MAPK8IP1: variants seen among roughly 807,000 people sequenced by gnomAD.
The protein encoded by MAPK8IP1 is mitogen-activated protein kinase 8 interacting protein 1, also known as C-Jun-amino-terminal kinase-interacting protein 1.
MAPK8IP1 carries 17 observed loss-of-function variants against 72.6 expected under a neutral mutation model. The observed-to-expected ratio is 0.23, with a 90% CI of 0.16 to 0.35. MAPK8IP1 has a LOEUF of 0.35. Among genes scored for constraint, MAPK8IP1 ranks in the 10% least tolerant of loss-of-function variants. MAPK8IP1 has a pLI of 1.00. For synonymous variants in MAPK8IP1, 401 were observed against 443.4 expected (o/e 0.90, Z 1.20); for missense variants, 789 against 1,009.7 (o/e 0.78, Z 2.96).
chr11:45,903,530 A>G lies in MAPK8IP1; in HGVS notation c.1493+90A>G. The stretch of plus-strand genomic sequence containing the variant: ...TGTCACCCCTACATGGCCTCAGCCT[A>G]ACCCCTGCCATCAGCCTTCATTTAT... On this transcript the variant is annotated intron_variant, in intron 6 of 11. Coordinates refer to ENST00000241014, the MANE Select transcript of MAPK8IP1 (RefSeq NM_005456.4). The surrounding 1 kb of genome is among the most constrained non-coding windows in gnomAD (Gnocchi z 6.4). The G allele has an allele frequency of 9.1e-7, 1 of 1,097,144 alleles. No individual in the cohort carries two copies. The highest frequency in any genetic ancestry group is 1.5e-5 in the African/African-American group (1 of 64,768). The allele number at this position is 1,097,144 out of a possible 1,614,324, so 68.0% of individuals were successfully genotyped here. A position where few individuals can be genotyped will look rare whatever the true frequency, so the allele number is the denominator to read the frequency against.
intron 1 of MAPK8IP1, among the ~76,000 whole-genome samples, chr11:45,891,553 C>A (rs61882475): frequency 6.6e-6 from 1 of 152,160 alleles, no homozygotes; most frequent in Non-Finnish European, 1.5e-5. Flanking sequence ...GGCAGGCAGC[C>A]CAGCAGCAGA....
rs2086673882 is a variant in MAPK8IP1, at chr11:45,903,399, C to G, written c.1452C>G (p.Ile484Met). Reference protein sequence around the residue: ...AESFGLFSCIINGEEQEQTHR... With the variant: ...AESFGLFSCIMNGEEQEQTHR... ...CCTTCGGGCTGTTCTCCTGCATCAT[C>G]AACGGGGAGGAGCAGGAGCAGACCC... The change falls in exon 6 of 12, where the codon ATC (isoleucine) becomes ATG (methionine). Residue 484 changes from isoleucine to methionine, a missense_variant. This residue lies in a region of MAPK8IP1 where 377 missense variants were observed against 411.7 expected (regional missense o/e 0.92). Transcript: ENST00000241014. The surrounding 1 kb of genome is among the most constrained non-coding windows in gnomAD (Gnocchi z 6.4). 1 of 1,613,528 alleles carries G rather than the reference C, an allele frequency of 6.2e-7. No homozygotes were observed. The highest frequency in any genetic ancestry group is 1.3e-5 in the African/African-American group (1 of 74,926).
intron 1 of MAPK8IP1, among the ~76,000 whole-genome samples, chr11:45,893,825 C>A (rs950485403): frequency 6.6e-6 from 1 of 152,220 alleles, no homozygotes; most frequent in Non-Finnish European, 1.5e-5. Context: ...TCCTTTCCCT[C>A]CCTTCCCCAC....
chr11:45,888,184 T>G (rs915408328), intron 1 of MAPK8IP1, among the ~76,000 whole-genome samples: 1 of 152,212 alleles, frequency 6.6e-6, no homozygotes, highest in African/African-American at 2.4e-5. Context: ...ACAGGCGCCT[T>G]GACCCCCAGT....
intron 3 of MAPK8IP1, 47 bp from the exon 4 acceptor site, chr11:45,901,933 G>A: frequency 6.8e-7 from 1 of 1,462,418 alleles, no homozygotes. Flanking sequence ...CCTGTGCCGG[G>A]CACTGTTGAC....
rs1166307708 is a variant in MAPK8IP1, at chr11:45,904,747, C to T, written c.1806C>T (p.His602=). 6.2e-7 allele frequency: 1 copy of T among 1,613,920 alleles called. No individual in the cohort carries two copies. Among genetic ancestry groups the T allele is most frequent in the African/African-American group, 1.3e-5 (1 of 74,930 alleles). Residue 602 remains histidine (H), a synonymous_variant, in exon 9 of 12, where the codon CAC becomes CAT. Transcript: ENST00000241014. The surrounding 1 kb of genome is among the most constrained non-coding windows in gnomAD (Gnocchi z 6.4). ...KIATTRRLTV[H]FNPPSSCVLE... ...CCACCACCCGCCGGCTCACCGTGCA[C>T]TTTAACCCGCCCTCCAGCTGTGTCC...
At chr11:45,895,484 G>A (rs2086596328) in intron 1 of MAPK8IP1, among the ~76,000 whole-genome samples, 1 of 151,930 alleles carries the variant, frequency 6.6e-6, no homozygotes, top group Admixed American at 6.6e-5. Flanking sequence ...ACCAGGTATG[G>A]TGATGCACAC....
intron 1 of MAPK8IP1, among the ~76,000 whole-genome samples, chr11:45,894,574 A>C (rs1302192148): frequency 6.6e-6 from 1 of 152,156 alleles, no homozygotes; most frequent in Non-Finnish European, 1.5e-5. Flanking sequence ...AGGGTGTAGA[A>C]GTGAACTGAG....
At chr11:45,887,124 G>A (rs2086533191) in intron 1 of MAPK8IP1, among the ~76,000 whole-genome samples, 1 of 152,170 alleles carries the variant, frequency 6.6e-6, no homozygotes, top group Non-Finnish European at 1.5e-5. Context: ...CATGGTGCAT[G>A]AGGCCTCCAT....
chr11:45,898,481 T>A (rs1418009759), intron 2 of MAPK8IP1, among the ~76,000 whole-genome samples: 1 of 151,948 alleles, frequency 6.6e-6, no homozygotes, highest in African/African-American at 2.4e-5. Context: ...CCTAGGGCAG[T>A]AACAATTAGG....
chr11:45,888,939 A>T (rs1033565484), intron 1 of MAPK8IP1, among the ~76,000 whole-genome samples: 4 of 151,954 alleles, frequency 2.6e-5, no homozygotes, highest in Admixed American at 2.0e-4. Flanking sequence ...ACCTCAGGTG[A>T]TCCACCCATC....
At chr11:45,891,856 C>T (rs1048131369) in intron 1 of MAPK8IP1, among the ~76,000 whole-genome samples, 8 of 152,186 alleles carry the variant, frequency 5.3e-5, no homozygotes, top group South Asian at 2.1e-4. Context: ...TGCTGGGTGA[C>T]GCAGGTGTTT....
intron 1 of MAPK8IP1, chr11:45,896,536 G>C: frequency 8.9e-7 from 1 of 1,119,220 alleles, no homozygotes; most frequent in East Asian, 4.9e-5. Flanking sequence ...AGGGCAGGTG[G>C]AGCCAGTGGC....
intron 1 of MAPK8IP1, among the ~76,000 whole-genome samples, chr11:45,888,528 C>T (rs888781051): frequency 2.0e-5 from 3 of 152,044 alleles, no homozygotes; most frequent in African/African-American, 7.2e-5. Context: ...AGAGCATGTG[C>T]GGAGGGGGCG....
At chr11:45,905,500 T>A (rs2086700495) in intron 11 of MAPK8IP1, 149 bp from the exon 12 acceptor site, 1 of 812,036 alleles carries the variant, frequency 1.2e-6, no homozygotes, top group African/African-American at 1.7e-5. Context: ...CGATGGCAAT[T>A]CTGTAGAGAA....
At position 45,903,737 on chromosome 11, in the gene MAPK8IP1, C is replaced by T. The variant is rs1480339536; in HGVS notation, c.1494-252C>T. 2.6e-5 allele frequency among the ~76,000 whole-genome samples: 4 copies of T among 152,174 alleles called. No homozygotes were observed. Among genetic ancestry groups the T allele is most frequent in the Non-Finnish European group, 5.9e-5 (4 of 68,030 alleles). On this transcript the variant is annotated intron_variant, in intron 6 of 11. Transcript: ENST00000241014. The surrounding 1 kb of genome is among the most constrained non-coding windows in gnomAD (Gnocchi z 6.4). Reference sequence around the variant, plus strand: ...ACCTGACCCTTCTCTAGACAAAAGCCTGCGCTTCCCACAGCCTCTCCATTT... The same window carrying T: ...ACCTGACCCTTCTCTAGACAAAAGCTTGCGCTTCCCACAGCCTCTCCATTT...
chr11:45,887,150 C>T (rs1033155446), intron 1 of MAPK8IP1, among the ~76,000 whole-genome samples: 2 of 152,180 alleles, frequency 1.3e-5, no homozygotes, highest in African/African-American at 4.8e-5. Flanking sequence ...TACTGCCTCC[C>T]CACCTGGAGG....
chr11:45,885,856 G>C lies in MAPK8IP1; in HGVS notation c.36G>C (p.Gly12=). ...GAGAAAGCGGCGGCCTGGGAGGGGGGGCCGCGTCCCCGCCCGCCGCCTCCC... is the reference window on the plus strand; with the variant it reads ...GAGAAAGCGGCGGCCTGGGAGGGGGCGCCGCGTCCCCGCCCGCCGCCTCCC... ...AERESGGLGG[G]AASPPAASPF... The change falls in exon 1 of 12, where the codon GGG becomes GGC. Residue 12 remains glycine, a synonymous_variant. Coordinates refer to ENST00000241014, the MANE Select transcript of MAPK8IP1 (RefSeq NM_005456.4). 1.4e-6 allele frequency: 2 copies of C among 1,453,054 alleles called. No homozygotes were observed. The highest frequency in any genetic ancestry group is 1.8e-6 in the Non-Finnish European group (2 of 1,099,316). 90.0% of individuals were successfully genotyped at this position (1,453,054 alleles called of 1,614,324 possible).
At chr11:45,905,384 C>T (rs758920875) in intron 11 of MAPK8IP1, 135 bp downstream of exon 11, 198 of 909,166 alleles carry the variant, frequency 2.2e-4, no homozygotes, top group Non-Finnish European at 2.2e-4. Context: ...GACCCCAGTG[C>T]GGGTGGCCTG....
Sources: gnomAD v4.1 joint callset for allele counts (sites outside exome capture counted in the v4.1 genomes callset) on GRCh38, gnomAD v4.1.1 for gene constraint, gnomAD v4.1.1 regional missense constraint, Gnocchi (gnomAD v3.1) non-coding constraint, MANE v1.5 for transcripts, NCBI Gene and HGNC (gene_info 2026-07-23, HGNC 2026-07-21) for gene names.